COL21A1: variants seen among roughly 807,000 people sequenced by gnomAD.
COL21A1 encodes collagen alpha-1(XXI) chain.
COL21A1 carries 149 observed loss-of-function variants against 137.9 expected under a neutral mutation model. The ratio of observed to expected loss-of-function variants is 1.08; its 90% CI spans 0.95 to 1.24. The LOEUF is 1.24. Ranked by LOEUF, COL21A1 falls within the 50% of genes most tolerant of loss-of-function variation. COL21A1 has a pLI of 0.00. For missense variants in COL21A1, 1,167 were observed against 1,158.4 expected, an observed-to-expected ratio of 1.01 and a Z score of -0.11; for synonymous variants, 456 against 391.5, an observed-to-expected ratio of 1.16 and a Z score of -1.95.
At chr6:56,319,088 C>T (rs552962990) in intron 1 of COL21A1, among the ~76,000 whole-genome samples, 14 of 152,280 alleles carry the variant, frequency 9.2e-5, no homozygotes, top group African/African-American at 2.9e-4. Context: ...CACAGTTGAT[C>T]GCACCCTTCT....
intron 1 of COL21A1, among the ~76,000 whole-genome samples, chr6:56,299,548 T>C (rs1487876300): frequency 1.3e-5 from 2 of 152,112 alleles, no homozygotes. Flanking sequence ...ATATTTAATA[T>C]ATTGAGAAAA....
chr6:56,157,041 T>G, intron 9 of COL21A1, 92 bp from the exon 10 acceptor site: 2 of 776,048 alleles, frequency 2.6e-6, no homozygotes, highest in East Asian at 2.9e-5. Flanking sequence ...AATTCCATTA[T>G]TTGAGGTTTT....
At chr6:56,072,473 G>A (rs9370479) in intron 20 of COL21A1, among the ~76,000 whole-genome samples, 65,933 of 151,152 alleles carry the variant, frequency 0.44, 15,954 homozygotes, top group East Asian at 0.74. Flanking sequence ...TACTGAATAC[G>A]TTTTTGTCTC....
intron 1 of COL21A1, among the ~76,000 whole-genome samples, chr6:56,354,886 G>C (rs1366069829): frequency 2.0e-5 from 3 of 151,986 alleles, no homozygotes; most frequent in African/African-American, 7.3e-5. Flanking sequence ...ATATACAATG[G>C]AAGAAAACAT....
chr6:56,065,443 G>A (rs1488669994), intron 23 of COL21A1, among the ~76,000 whole-genome samples: 1 of 152,018 alleles, frequency 6.6e-6, no homozygotes, highest in Non-Finnish European at 1.5e-5. Flanking sequence ...CACTCACTGT[G>A]TGGTAAGAGA....
intron 1 of COL21A1, among the ~76,000 whole-genome samples, chr6:56,207,570 G>C (rs1021885395): frequency 6.6e-6 from 1 of 152,072 alleles, no homozygotes; most frequent in Non-Finnish European, 1.5e-5. Flanking sequence ...AAAAGTCCAG[G>C]ACCAGATGGA....
At chr6:56,155,335 T>G (rs79667163) in intron 10 of COL21A1, among the ~76,000 whole-genome samples, 4 of 131,102 alleles carry the variant, frequency 3.1e-5, no homozygotes, top group Non-Finnish European at 5.1e-5. Flanking sequence ...CTAGTTGTGG[T>G]TTTTTTTGTT....
intron 1 of COL21A1, among the ~76,000 whole-genome samples, chr6:56,302,637 T>A (rs1018635123): frequency 6.6e-6 from 1 of 152,208 alleles, no homozygotes; most frequent in Non-Finnish European, 1.5e-5. Context: ...TAGCCCTTTG[T>A]CAGATGAGTA....
chr6:56,130,295 C>T (rs1356438952), intron 12 of COL21A1, among the ~76,000 whole-genome samples: 1 of 144,612 alleles, frequency 6.9e-6, no homozygotes, highest in Non-Finnish European at 1.5e-5. Context: ...TATATATTTC[C>T]CTTTTGCTTG....
intron 17 of COL21A1, among the ~76,000 whole-genome samples, chr6:56,092,246 A>G (rs1052427391): frequency 6.6e-6 from 1 of 152,198 alleles, no homozygotes; most frequent in African/African-American, 2.4e-5. Context: ...AACATAAAAT[A>G]AAGGCAAGAA....
intron 1 of COL21A1, among the ~76,000 whole-genome samples, chr6:56,285,919 C>T (rs981839607): frequency 3.9e-5 from 6 of 152,092 alleles, no homozygotes; most frequent in Non-Finnish European, 5.9e-5. Flanking sequence ...TTGACTCTCA[C>T]ATGGAAAGGG....
At chr6:56,263,032 C>A (rs971448336) in intron 1 of COL21A1, among the ~76,000 whole-genome samples, 9 of 152,212 alleles carry the variant, frequency 5.9e-5, no homozygotes, top group Admixed American at 6.5e-5. Flanking sequence ...TAGAAGGTGA[C>A]ATGGGATGCA....
At chr6:56,270,254 G>A (rs2397210) in intron 1 of COL21A1, among the ~76,000 whole-genome samples, 4 of 152,192 alleles carry the variant, frequency 2.6e-5, no homozygotes, top group Non-Finnish European at 5.9e-5. Flanking sequence ...CAAAAACGGA[G>A]CAGAGATTGC....
intron 1 of COL21A1, among the ~76,000 whole-genome samples, chr6:56,242,203 G>T (rs569066773): frequency 6.6e-6 from 1 of 152,142 alleles, no homozygotes; most frequent in Non-Finnish European, 1.5e-5. Context: ...AAATGTTAAA[G>T]TATATTAATT....
Position 56,196,365 on chromosome 6 carries a change from C to T in COL21A1, c.-38-13709G>A, listed in dbSNP as rs142233903. 3.5e-3 allele frequency among the ~76,000 whole-genome samples: 537 copies of T among 152,130 alleles called. 5 individuals carry two copies. Among genetic ancestry groups the T allele is most frequent in the African/African-American group, 0.012 (510 of 41,514 alleles). On this transcript the variant is annotated intron_variant, in intron 1 of 29. Coordinates refer to ENST00000244728, the MANE Select transcript of COL21A1 (RefSeq NM_030820.4). ...TACAACATAGCACTGGAAGTCCTAG[C>T]CAAACCAATCAGGCAAGAAAAAGAA...
chr6:56,098,678 A>AAT (rs1318260084), intron 17 of COL21A1, among the ~76,000 whole-genome samples: 2 of 52,064 alleles, frequency 3.8e-5, no homozygotes, highest in Non-Finnish European at 3.4e-5. Context: ...TATATATATA[A>AAT]ATATATATAA....
intron 1 of COL21A1, among the ~76,000 whole-genome samples, chr6:56,232,832 T>G (rs1781656529): frequency 6.6e-6 from 1 of 151,930 alleles, no homozygotes; most frequent in African/African-American, 2.4e-5. Flanking sequence ...GATATCAAAA[T>G]GACTCTTGTT....
chr6:56,292,765 A>G (rs769469577), intron 1 of COL21A1, among the ~76,000 whole-genome samples: 1 of 150,722 alleles, frequency 6.6e-6, no homozygotes, highest in Non-Finnish European at 1.5e-5. Context: ...CTATTTGTGA[A>G]TATTCCTGGT....
chr6:56,081,375 G>GC (rs1246327108), intron 17 of COL21A1, among the ~76,000 whole-genome samples: 2 of 151,476 alleles, frequency 1.3e-5, no homozygotes, highest in African/African-American at 4.8e-5. Context: ...AGTCGGCATT[G>GC]CCCCCCATTC....
Sources: gnomAD v4.1 joint callset for allele counts (sites outside exome capture counted in the v4.1 genomes callset) on GRCh38, gnomAD v4.1.1 for gene constraint, MANE v1.5 for transcripts, NCBI Gene and HGNC (gene_info 2026-07-23, HGNC 2026-07-21) for gene names.